The following ROBO2 variants were observed in gnomAD, a reference collection of about 807,000 sequenced individuals.
The protein encoded by ROBO2 is roundabout homolog 2.
A neutral mutation model predicts 160.8 loss-of-function variants in ROBO2; 53 were observed. The ratio of observed to expected loss-of-function variants is 0.33; its 90% CI spans 0.26 to 0.41. The LOEUF is 0.41. Ranked by LOEUF, ROBO2 falls within the 10% of genes least tolerant of loss-of-function variation. ROBO2 has a pLI of 1.00. For missense variants in ROBO2, 1,577 were observed against 1,722.4 expected (o/e 0.92, Z 1.49); for synonymous variants, 664 against 611.7 (o/e 1.09, Z -1.26).
intron 2 of ROBO2, among the ~76,000 whole-genome samples, chr3:77,323,677 T>G (rs2065055230): frequency 6.6e-6 from 1 of 152,102 alleles, no homozygotes; most frequent in Non-Finnish European, 1.5e-5. Context: ...TTCTTGTCTT[T>G]TAAAGATGAA....
chr3:76,598,218 GACAAATTT>G (rs2086867698), intron 2 of ROBO2, among the ~76,000 whole-genome samples: 1 of 151,946 alleles, frequency 6.6e-6, no homozygotes, highest in Non-Finnish European at 1.5e-5. Context: ...CATTCTAAAT[GACAAATTT>G]TTAGAAATGG....
chr3:77,058,378 G>T (rs1485006433), intron 1 of ROBO2, among the ~76,000 whole-genome samples: 1 of 152,082 alleles, frequency 6.6e-6, no homozygotes, highest in East Asian at 1.9e-4. Context: ...ATTATTGTGT[G>T]CCATCTGGAA....
chr3:76,227,502 A>G (rs904550541), intron 2 of ROBO2, among the ~76,000 whole-genome samples: 5 of 152,200 alleles, frequency 3.3e-5, no homozygotes. Flanking sequence ...TTTTAGGTAT[A>G]TATTTGTTTC....
chr3:77,275,840 T>G (rs1247880945), intron 2 of ROBO2, among the ~76,000 whole-genome samples: 1 of 152,140 alleles, frequency 6.6e-6, no homozygotes, highest in East Asian at 1.9e-4. Flanking sequence ...AATTTAGTTA[T>G]AGATGAAATG....
chr3:77,477,483 A>T (rs2084153688), exon 3 of ROBO2: 3 of 1,614,056 alleles, frequency 1.9e-6, no homozygotes, highest in Non-Finnish European at 2.5e-6. Context: ...GCAATCCTGG[A>T]GTGCCAGCCT....
intron 2 of ROBO2, among the ~76,000 whole-genome samples, chr3:77,024,248 G>C (rs80146403): frequency 0.045 from 6,847 of 152,242 alleles, 497 homozygotes; most frequent in African/African-American, 0.15. Context: ...AATGTTTAGA[G>C]GGAATCCATT....
Position 76,660,701 on chromosome 3 carries a change from A to G in ROBO2, c.110-437313A>G, listed in dbSNP as rs187310319. 6.3e-3 allele frequency among the ~76,000 whole-genome samples: 962 copies of G among 152,320 alleles called. 12 individuals are homozygous for G. The highest frequency in any genetic ancestry group is 0.022 in the African/African-American group (912 of 41,568). On this transcript the variant is annotated intron_variant, in intron 2 of 26. Coordinates refer to the ROBO2 transcript ENST00000487694. ...CTAGAGTTGTAGTTCATTTTAGAAC[A>G]TTAAGAGCTTAGTTGTTGATTCCCC...
rs556274581 is a variant in ROBO2 at position 76,326,577 on chromosome 3, A to G, written c.109+388975A>G. Among the ~76,000 whole-genome samples the G allele has an allele frequency of 3.9e-5, 6 of 152,212 alleles. No homozygotes were observed. In the East Asian group the frequency reaches 1.2e-3, roughly 29 times the overall value. On this transcript the variant is annotated intron_variant, in intron 2 of 26. Transcript: ENST00000487694. ...GCATAATGCATATACCGAATGAAAA[A>G]TTTATTCATATGCAGAATTATTATC...
chr3:76,573,523 A>AT (rs145929489), intron 2 of ROBO2, among the ~76,000 whole-genome samples: 2,778 of 136,788 alleles, frequency 0.02, 57 homozygotes, highest in African/African-American at 0.057. Context: ...ATAGTTTTCA[A>AT]TTTTTTTTTT....
intron 2 of ROBO2, among the ~76,000 whole-genome samples, chr3:77,322,487 A>AT (rs766582971): frequency 5.3e-4 from 81 of 152,124 alleles, no homozygotes; most frequent in Non-Finnish European, 1.0e-3. Flanking sequence ...TGCTTAAGAC[A>AT]TTTTTTGGTG....
intron 2 of ROBO2, among the ~76,000 whole-genome samples, chr3:76,219,904 A>G (rs998065608): frequency 6.6e-6 from 1 of 151,990 alleles, no homozygotes; most frequent in African/African-American, 2.4e-5. Context: ...ACTATTCACA[A>G]TAGCAAAGAC....
chr3:76,729,235 C>CT lies in ROBO2; in HGVS notation c.110-368767dup, dbSNP rs3041236. Among the ~76,000 whole-genome samples the CT allele has an allele frequency of 1.8e-3, 275 of 151,186 alleles. 1 individual carries two copies. Among genetic ancestry groups the CT allele is most frequent in the Middle Eastern group, 6.8e-3 (2 of 294 alleles). On this transcript the variant is annotated intron_variant, in intron 2 of 26. Coordinates refer to the ROBO2 transcript ENST00000487694. ...GTGACTGTACTACCAGAGTAACTGT[C>CT]TTTTTTTTTTTTAACACAAATAAAT...
intron 2 of ROBO2, among the ~76,000 whole-genome samples, chr3:76,254,161 T>C (rs925272906): frequency 6.6e-6 from 1 of 152,108 alleles, no homozygotes; most frequent in Non-Finnish European, 1.5e-5. Flanking sequence ...AGGTTATGAT[T>C]GTAGTGATAT....
chr3:77,622,924 G>A lies in ROBO2; in HGVS notation c.3760+492G>A, dbSNP rs1026784586. Among the ~76,000 whole-genome samples the A allele has an allele frequency of 2.0e-5, 3 of 152,130 alleles. No individual in the cohort carries two copies. The East Asian group carries it at 5.8e-4, about 29-fold the overall frequency. ...TTAGAATGAAGAAAATGTGTAGTGA[G>A]ATAAACCATATGTTTATGCATTTCA... On this transcript the variant is annotated intron_variant, in intron 23 of 25. Transcript: ENST00000461745.
intron 2 of ROBO2, among the ~76,000 whole-genome samples, chr3:76,917,552 C>T (rs544616626): frequency 8.0e-4 from 122 of 152,128 alleles, no homozygotes; most frequent in Non-Finnish European, 1.4e-3. Context: ...ATTAAGAGGC[C>T]CCAGGTGGTG....
chr3:76,818,125 A>T (rs918712908), intron 2 of ROBO2, among the ~76,000 whole-genome samples: 8 of 151,874 alleles, frequency 5.3e-5, no homozygotes, highest in African/African-American at 1.5e-4. Flanking sequence ...CAGCGGTGTA[A>T]AAGTGTTTCC....
intron 16 of ROBO2, 97 bp downstream of exon 17, chr3:77,580,215 A>G: frequency 9.1e-7 from 1 of 1,099,660 alleles, no homozygotes; most frequent in Non-Finnish European, 1.4e-6. Context: ...ATATACACTT[A>G]TGAATGATAG....
At chr3:76,166,454 C>T (rs1575728737) in intron 2 of ROBO2, among the ~76,000 whole-genome samples, 1 of 152,074 alleles carries the variant, frequency 6.6e-6, no homozygotes, top group Non-Finnish European at 1.5e-5. Context: ...GTCTAATTTA[C>T]GGTTCTTTGA....
chr3:77,486,745 T>C (rs2153594899), intron 4 of ROBO2, among the ~76,000 whole-genome samples: 1 of 152,298 alleles, frequency 6.6e-6, no homozygotes. Context: ...TCTTTTGCTG[T>C]ATCACAGAAT....
Sources: allele counts gnomAD v4.1 joint callset (sites outside exome capture counted in the v4.1 genomes callset), GRCh38; gene constraint gnomAD v4.1.1; transcripts MANE v1.5; gene names NCBI Gene and HGNC (gene_info 2026-07-23, HGNC 2026-07-21).